The following ASH1L variants were observed in gnomAD, a reference collection of about 807,000 sequenced individuals.
ASH1L encodes histone-lysine N-methyltransferase ASH1L.
A neutral mutation model predicts 269.0 loss-of-function variants in ASH1L; 23 were observed. That is an observed-to-expected ratio of 0.09 (90% CI 0.06 to 0.12). The LOEUF (loss-of-function observed/expected upper bound fraction) is 0.12, where lower values mean the gene tolerates loss of function less well. ASH1L is among the 10% of genes least tolerant of loss of function. The pLI, the probability that ASH1L is intolerant of heterozygous loss-of-function variation, is 1.00. For synonymous variants in ASH1L, 1,187 were observed against 1,253.5 expected, an observed-to-expected ratio of 0.95 and a Z score of 1.12; for missense variants, 2,912 against 3,567.8, an observed-to-expected ratio of 0.82 and a Z score of 4.68.
chr1:155,344,085 G>T, intron 22 of ASH1L, 98 bp downstream of exon 22: 1 of 1,055,842 alleles, frequency 9.5e-7, no homozygotes, highest in Non-Finnish European at 1.4e-6. Context: ...TGCTATTCGA[G>T]GCCGTATGGA....
At chr1:155,357,012 CTT>C (rs1654458450) in intron 15 of ASH1L, among the ~76,000 whole-genome samples, 1 of 148,786 alleles carries the variant, frequency 6.7e-6, no homozygotes, top group East Asian at 2.0e-4. Flanking sequence ...AGGGGGATCA[CTT>C]AAGCCCAGGA....
chr1:155,373,720 T>A (rs1656184274), intron 10 of ASH1L, among the ~76,000 whole-genome samples: 1 of 152,038 alleles, frequency 6.6e-6, no homozygotes, highest in African/African-American at 2.4e-5. Context: ...CAGGCTGGAG[T>A]GCAGTGGCAT....
chr1:155,390,739 G>A (rs1173497081), intron 7 of ASH1L, among the ~76,000 whole-genome samples: 6 of 147,124 alleles, frequency 4.1e-5, no homozygotes, highest in South Asian at 2.2e-4. Flanking sequence ...TCCACCTCCC[G>A]GGTTCACACC....
At chr1:155,464,094 T>G (rs1558132906) in intron 3 of ASH1L, among the ~76,000 whole-genome samples, 1 of 152,130 alleles carries the variant, frequency 6.6e-6, no homozygotes, top group Non-Finnish European at 1.5e-5. Context: ...GAGAAAGTAG[T>G]TTTCTGCTTC....
At chr1:155,416,010 C>T (rs1660177963) in intron 5 of ASH1L, 87 bp from the exon 6 acceptor site, 1 of 1,132,936 alleles carries the variant, frequency 8.8e-7, no homozygotes, top group African/African-American at 1.6e-5. Context: ...AAAACCATAG[C>T]AATTAAAAAA....
rs1672078973 is a variant in ASH1L, at chr1:155,562,453, G to GAGTGGCGGC, written c.-409_-401dup. The GAGTGGCGGC allele has an allele frequency of 6.8e-7, 1 of 1,464,658 alleles. No homozygotes were observed. Among genetic ancestry groups the GAGTGGCGGC allele is most frequent in the Non-Finnish European group, 9.3e-7 (1 of 1,080,520 alleles). 90.7% of individuals were successfully genotyped at this position (1,464,658 alleles called of 1,614,324 possible). On this transcript the variant is annotated 5_prime_UTR_variant, in exon 1 of 28. Transcript: ENST00000392403. ...GGCGGCGGCGGCGGCGGCAGCAGCA[G>GAGTGGCGGC]AGTGGCGGCGGTGGCGGCGGCAGCT... is the stretch of plus-strand genomic sequence containing the variant.
intron 2 of ASH1L, among the ~76,000 whole-genome samples, chr1:155,509,666 G>GCA: frequency 2.0e-5 from 3 of 152,280 alleles, no homozygotes; most frequent in African/African-American, 7.2e-5. Context: ...GGGCATGATG[G>GCA]TGTGTGTCTC....
intron 2 of ASH1L, among the ~76,000 whole-genome samples, chr1:155,495,925 G>A (rs1667121473): frequency 2.0e-5 from 3 of 152,248 alleles, no homozygotes; most frequent in South Asian, 2.1e-4. Context: ...TTGAACCCAG[G>A]AGGCGGAGGC....
rs774332850 is a variant in ASH1L, at chr1:155,438,354, T to A, written c.5801A>T (p.Glu1934Val). 14 of 1,576,338 alleles carry A rather than the reference T, an allele frequency of 8.9e-6. No individual in the cohort carries two copies. In the South Asian group the frequency reaches 1.4e-4, roughly 16 times the overall value. ...QTRKKQKPLPEEEEQENNKSF... is the reference protein window; with the variant it reads ...QTRKKQKPLPVEEEQENNKSF... Reference sequence around the variant, plus strand: ...TTTATTATTCTCTTGCTCTTCTTCCTCTGGTAATGGCTTCTGCTTTTTTCT... The same window carrying A: ...TTTATTATTCTCTTGCTCTTCTTCCACTGGTAATGGCTTCTGCTTTTTTCT... Residue 1934 changes from glutamate (E) to valine (V), a missense_variant, in exon 5 of 28, where the codon GAG (glutamate) becomes GTG (valine). Transcript: ENST00000392403.
chr1:155,543,275 C>G (rs1266712121), intron 1 of ASH1L, among the ~76,000 whole-genome samples: 1 of 151,708 alleles, frequency 6.6e-6, no homozygotes, highest in Non-Finnish European at 1.5e-5. Context: ...CTCTGGGAGG[C>G]CAAGGCAGGC....
At chr1:155,472,958 A>G (rs1355431576) in intron 3 of ASH1L, among the ~76,000 whole-genome samples, 1 of 152,188 alleles carries the variant, frequency 6.6e-6, no homozygotes, top group Non-Finnish European at 1.5e-5. Context: ...CAAGGAAAAT[A>G]TCATTACTCT....
chr1:155,401,204 T>C (rs1658817563), intron 6 of ASH1L, among the ~76,000 whole-genome samples: 1 of 151,146 alleles, frequency 6.6e-6, no homozygotes. Flanking sequence ...TGGCCGGGCA[T>C]GGTGGCTCAC....
At position 155,481,268 on chromosome 1, in the gene ASH1L, C is replaced by T. The variant is rs767517300; in HGVS notation, c.1602G>A (p.Met534Ile). ...PVYCTSPDFK[M>I]GGASDVSTAK... ...CGGTAGATACATCAGAAGCACCTCC[C>T]ATTTTAAAGTCCGGAGAAGTGCAAT... The change falls in exon 3 of 28, where the codon ATG becomes ATA. Residue 534 changes from methionine to isoleucine, a missense_variant. Transcript: ENST00000392403. 2.5e-6 allele frequency: 4 copies of T among 1,613,954 alleles called. No homozygotes were observed. Among genetic ancestry groups the T allele is most frequent in the African/African-American group, 1.3e-5 (1 of 74,914 alleles).
chr1:155,398,813 A>G (rs1658580243), intron 6 of ASH1L, among the ~76,000 whole-genome samples: 1 of 152,082 alleles, frequency 6.6e-6, no homozygotes, highest in Non-Finnish European at 1.5e-5. Context: ...CCCAGACTCA[A>G]GTGAACCTCT....
Position 155,479,807 on chromosome 1 carries a change from C to T in ASH1L, c.3063G>A (p.Thr1021=), listed in dbSNP as rs144945141. The T allele has an allele frequency of 3.7e-5, 60 of 1,614,004 alleles. No homozygotes were observed. Among genetic ancestry groups the T allele is most frequent in the Non-Finnish European group, 4.3e-5 (51 of 1,180,020 alleles). The change falls in exon 3 of 28, where the codon ACG becomes ACA. Residue 1021 remains threonine, a synonymous_variant. Transcript: ENST00000392403. ...CAAATGTGGCAGCAAGACTTGATAC[C>T]GTATTATGGAGTTTGGATTGCACTT... ...KGKVQSKLHN[T]VSSLAATFGS...
At chr1:155,555,119 G>C (rs1671496315) in intron 1 of ASH1L, among the ~76,000 whole-genome samples, 1 of 149,652 alleles carries the variant, frequency 6.7e-6, no homozygotes, top group Non-Finnish European at 1.5e-5. Flanking sequence ...TTCAGCTTTG[G>C]GGACAGAGTG....
At chr1:155,369,836 C>CT (rs1221551505) in intron 12 of ASH1L, among the ~76,000 whole-genome samples, 3 of 152,138 alleles carry the variant, frequency 2.0e-5, no homozygotes, top group Non-Finnish European at 4.4e-5. Context: ...CTGGTGTGAT[C>CT]TCAGCTCACT....
At chr1:155,504,894 T>C (rs966049807) in intron 2 of ASH1L, among the ~76,000 whole-genome samples, 1 of 149,628 alleles carries the variant, frequency 6.7e-6, no homozygotes. Flanking sequence ...CAGCTATAAA[T>C]GACAGGGCCC....
rs748231998 is a variant in ASH1L at position 155,469,411 on chromosome 1, G to A, written c.4984+8475C>T. On this transcript the variant is annotated intron_variant, in intron 3 of 27. Transcript: ENST00000392403. ...TTGGTAAGGCTGGCCTTGAACTCCC[G>A]ACCTCAGGTGATCTGCCCGCCTCAG... Among the ~76,000 whole-genome samples, 22 of 151,992 alleles carry A rather than the reference G, an allele frequency of 1.4e-4. No individual in the cohort carries two copies. In the South Asian group the frequency reaches 1.7e-3, roughly 11 times the overall value.
Sources: allele counts gnomAD v4.1 joint callset (sites outside exome capture counted in the v4.1 genomes callset), GRCh38; gene constraint gnomAD v4.1.1; transcripts MANE v1.5; gene names NCBI Gene and HGNC (gene_info 2026-07-23, HGNC 2026-07-21).